Variants in GALNT2 observed in about 807,000 individuals in gnomAD.
GALNT2 encodes polypeptide N-acetylgalactosaminyltransferase 2.
A neutral mutation model predicts 81.4 loss-of-function variants in GALNT2; 31 were observed. The observed-to-expected ratio is 0.38, with a 90% CI of 0.29 to 0.51. GALNT2 has a LOEUF of 0.51. Among genes scored for constraint, GALNT2 ranks in the 20% least tolerant of loss-of-function variants. GALNT2 has a pLI of 0.87. For synonymous variants in GALNT2, 303 were observed against 287.4 expected, an observed-to-expected ratio of 1.05 and a Z score of -0.55; for missense variants, 629 against 765.7, an observed-to-expected ratio of 0.82 and a Z score of 2.11.
At chr1:230,167,613 C>G (rs2102853743) in intron 1 of GALNT2, among the ~76,000 whole-genome samples, 1 of 152,342 alleles carries the variant, frequency 6.6e-6, no homozygotes, top group South Asian at 2.1e-4. Flanking sequence ...TGCTTGTGGG[C>G]TGAGGTGAAG....
At chr1:230,133,675 G>A (rs11584679) in intron 1 of GALNT2, among the ~76,000 whole-genome samples, 21,067 of 152,066 alleles carry the variant, frequency 0.14, 1,516 homozygotes, top group South Asian at 0.23. Flanking sequence ...GGCTGGTCTC[G>A]AACTCCTGAC....
intron 1 of GALNT2, among the ~76,000 whole-genome samples, chr1:230,134,386 T>A (rs1434092003): frequency 6.6e-6 from 1 of 152,136 alleles, no homozygotes; most frequent in Non-Finnish European, 1.5e-5. Flanking sequence ...GGATTACAGG[T>A]GTGAGCCACT....
chr1:230,067,154 C>A, upstream of GALNT2: 1 of 384,210 alleles, frequency 2.6e-6, no homozygotes, highest in Non-Finnish European at 3.9e-6. Context: ...TAGCACCGCG[C>A]GGGAGGAGGA....
intron 3 of GALNT2, among the ~76,000 whole-genome samples, chr1:230,233,948 T>C (rs1664944643): frequency 6.6e-6 from 1 of 151,724 alleles, no homozygotes; most frequent in Non-Finnish European, 1.5e-5. Flanking sequence ...CGGGAACAAA[T>C]TTCCTCCACA....
At chr1:230,073,352 A>G (rs1659432984) in intron 1 of GALNT2, among the ~76,000 whole-genome samples, 1 of 152,170 alleles carries the variant, frequency 6.6e-6, no homozygotes, top group Non-Finnish European at 1.5e-5. Context: ...ACCTTTCTCT[A>G]TTGTAAACCA....
Position 230,178,537 on chromosome 1 carries a change from A to G in GALNT2, c.220+226A>G, listed in dbSNP as rs143883078. On this transcript the variant is annotated intron_variant, in intron 2 of 15. Coordinates refer to ENST00000366672, the MANE Select transcript of GALNT2 (RefSeq NM_004481.5). ...CAAAATGTGTTGAAAAGAAAATAAA[A>G]ATAGACTAAAGTAGAAAGTATATAT... Among the ~76,000 whole-genome samples the G allele has an allele frequency of 3.6e-3, 552 of 152,354 alleles. 10 individuals are homozygous for G. In the East Asian group the frequency reaches 0.04, roughly 11 times the overall value.
At chr1:230,183,272 G>A (rs899567667) in intron 2 of GALNT2, among the ~76,000 whole-genome samples, 1 of 152,298 alleles carries the variant, frequency 6.6e-6, no homozygotes, top group East Asian at 1.9e-4. Flanking sequence ...GATGTACACA[G>A]TGATTGTTGA....
chr1:230,063,785 T>G (rs1659104051), upstream of GALNT2, among the ~76,000 whole-genome samples: 1 of 152,248 alleles, frequency 6.6e-6, no homozygotes, highest in South Asian at 2.1e-4. Flanking sequence ...CTTTTTGGCC[T>G]ACTCTGTTTT....
rs148679395 is a variant in GALNT2, at chr1:230,211,376, G to A, written c.374+8086G>A. 2.2e-3 allele frequency among the ~76,000 whole-genome samples: 340 copies of A among 152,350 alleles called. 1 individual carries two copies. The highest frequency in any genetic ancestry group is 7.9e-3 in the African/African-American group (329 of 41,582). On this transcript the variant is annotated intron_variant, in intron 3 of 15. Coordinates refer to ENST00000366672, the MANE Select transcript of GALNT2 (RefSeq NM_004481.5). Reference sequence around the variant, plus strand: ...CTTTGTTGGCATTTGTGGCCGTGGGGCAGGTGGAGTTTGGGTGTGGTGTAA... The same window carrying A: ...CTTTGTTGGCATTTGTGGCCGTGGGACAGGTGGAGTTTGGGTGTGGTGTAA...
At chr1:230,146,482 C>G (rs772866285) in intron 1 of GALNT2, among the ~76,000 whole-genome samples, 1 of 152,124 alleles carries the variant, frequency 6.6e-6, no homozygotes, top group Non-Finnish European at 1.5e-5. Flanking sequence ...CTTCCTGACC[C>G]GGTTGGAGTG....
chr1:230,199,058 C>T (rs1415803231), intron 2 of GALNT2, among the ~76,000 whole-genome samples: 1 of 152,038 alleles, frequency 6.6e-6, no homozygotes, highest in Non-Finnish European at 1.5e-5. Context: ...TCCACTTTCC[C>T]GAGATTCTCA....
chr1:230,140,607 G>C (rs1490330148), intron 1 of GALNT2, among the ~76,000 whole-genome samples: 1 of 152,246 alleles, frequency 6.6e-6, no homozygotes, highest in Non-Finnish European at 1.5e-5. Flanking sequence ...TTCCTGGAGT[G>C]ACGCGCTGCC....
intron 1 of GALNT2, among the ~76,000 whole-genome samples, chr1:230,095,672 G>A (rs1660232940): frequency 6.6e-6 from 1 of 152,210 alleles, no homozygotes; most frequent in South Asian, 2.1e-4. Context: ...CCTGCCTCGT[G>A]AATCTGGTCA....
At position 230,274,378 on chromosome 1, in the gene GALNT2, G is replaced by T. The variant is rs1312668769; in HGVS notation, c.1441-67G>T. 7 of 1,570,052 alleles carry T rather than the reference G, an allele frequency of 4.5e-6. No homozygotes were observed. The East Asian group carries it at 1.4e-4, about 31-fold the overall frequency. On this transcript the variant is annotated intron_variant, in intron 14 of 15. Coordinates refer to ENST00000366672, the MANE Select transcript of GALNT2 (RefSeq NM_004481.5). ...CCCATTTCCTTTTTGAGCCCTCATC[G>T]ATGCCCCTTCTTTCCTTTCACAGCC... is the stretch of plus-strand genomic sequence containing the variant.
intron 11 of GALNT2, among the ~76,000 whole-genome samples, chr1:230,256,142 T>C (rs1665707573): frequency 6.6e-6 from 1 of 152,090 alleles, no homozygotes; most frequent in African/African-American, 2.4e-5. Context: ...GGTCACCTCT[T>C]AAAGGCCTCA....
intron 1 of GALNT2, among the ~76,000 whole-genome samples, chr1:230,069,398 C>T (rs1315124687): frequency 2.0e-5 from 3 of 151,982 alleles, no homozygotes; most frequent in African/African-American, 4.8e-5. Flanking sequence ...ATTTGGGATT[C>T]TATTCTTTCT....
At chr1:230,080,672 C>A (rs1001734521) in intron 1 of GALNT2, among the ~76,000 whole-genome samples, 2 of 152,112 alleles carry the variant, frequency 1.3e-5, no homozygotes, top group Non-Finnish European at 2.9e-5. Flanking sequence ...GGATGCATAG[C>A]ACAGGGGCCA....
At chr1:230,213,143 C>T (rs994540471) in intron 3 of GALNT2, among the ~76,000 whole-genome samples, 1 of 152,182 alleles carries the variant, frequency 6.6e-6, no homozygotes, top group Non-Finnish European at 1.5e-5. Context: ...GCTTTCTTTA[C>T]TCTTTAGTCT....
At chr1:230,190,455 G>A (rs1360753629) in intron 2 of GALNT2, among the ~76,000 whole-genome samples, 1 of 152,236 alleles carries the variant, frequency 6.6e-6, no homozygotes, top group East Asian at 1.9e-4. Flanking sequence ...TCTGACAACA[G>A]GTCCTGAGTT....
Sources: allele counts gnomAD v4.1 joint callset (sites outside exome capture counted in the v4.1 genomes callset), GRCh38; gene constraint gnomAD v4.1.1; transcripts MANE v1.5; gene names NCBI Gene and HGNC (gene_info 2026-07-23, HGNC 2026-07-21).